The following ARHGAP22 variants were observed in gnomAD, a reference collection of about 807,000 sequenced individuals.
The protein encoded by ARHGAP22 is Rho GTPase activating protein 22.
Under a neutral mutation model 59.1 loss-of-function variants are expected in ARHGAP22, and 48 were observed. The ratio of observed to expected loss-of-function variants is 0.81; its 90% CI spans 0.64 to 1.03. The LOEUF (loss-of-function observed/expected upper bound fraction) is 1.03, where lower values mean the gene tolerates loss of function less well. ARHGAP22 is among the 50% of genes least tolerant of loss of function. The pLI, the probability that ARHGAP22 is intolerant of heterozygous loss-of-function variation, is 0.00. For missense variants in ARHGAP22, 1,015 were observed against 958.7 expected, an observed-to-expected ratio of 1.06 and a Z score of -0.78; for synonymous variants, 445 against 416.4, an observed-to-expected ratio of 1.07 and a Z score of -0.84.
At chr10:48,589,634 C>T (rs2059633856) in intron 1 of ARHGAP22, among the ~76,000 whole-genome samples, 1 of 152,198 alleles carries the variant, frequency 6.6e-6, no homozygotes, top group Admixed American at 6.5e-5. Context: ...ACAAATCCCT[C>T]CCCGTCAAGT....
rs752388127 is a variant in ARHGAP22, at chr10:48,450,639, G to A, written c.1490C>T (p.Ala497Val). Residue 497 changes from alanine to valine, a missense_variant, in exon 9 of 10, where the codon GCG (alanine) becomes GTG (valine). Ala to Val is a moderately conservative substitution (Grantham distance 64). Transcript: ENST00000249601. ...QRLSTYDNVPAPGLVPGIPSV... is the reference protein window; with the variant it reads ...QRLSTYDNVPVPGLVPGIPSV... ...GGGTATGCCGGGGACCAGGCCCGGC[G>A]CGGGCACATTGTCGTAGGTGGAGAG... 5.8e-6 allele frequency: 9 copies of A among 1,549,846 alleles called. No individual in the cohort carries two copies. Among genetic ancestry groups the A allele is most frequent in the Admixed American group, 2.0e-5 (1 of 51,040 alleles).
At chr10:48,655,254 TGTGG>T (rs1465058573), upstream of ARHGAP22, among the ~76,000 whole-genome samples, 73 of 4,380 alleles carry the variant, frequency 0.017, no homozygotes, top group African/African-American at 0.024. Context: ...TGTGTGTGTG[TGTGG>T]GGGGGGGGGG....
At chr10:48,563,967 C>A (rs1293328345) in intron 2 of ARHGAP22, among the ~76,000 whole-genome samples, 1 of 152,096 alleles carries the variant, frequency 6.6e-6, no homozygotes, top group Non-Finnish European at 1.5e-5. Context: ...AGAAGAAATA[C>A]AAATGGTCAA....
intron 4 of ARHGAP22, among the ~76,000 whole-genome samples, chr10:48,463,490 G>A (rs1219630115): frequency 1.3e-5 from 2 of 152,170 alleles, no homozygotes; most frequent in Non-Finnish European, 2.9e-5. Flanking sequence ...AGTGCCCCTG[G>A]TGCCTGCCGC....
chr10:48,514,748 A>G (rs2053124181), intron 3 of ARHGAP22, among the ~76,000 whole-genome samples: 1 of 152,344 alleles, frequency 6.6e-6, no homozygotes, highest in African/African-American at 2.4e-5. Flanking sequence ...CAGTACTTAC[A>G]AAACTCCAGT....
intron 2 of ARHGAP22, among the ~76,000 whole-genome samples, chr10:48,576,399 A>G (rs1170895015): frequency 6.6e-6 from 1 of 152,190 alleles, no homozygotes; most frequent in Admixed American, 6.5e-5. Flanking sequence ...TTTTGGTTAT[A>G]GTTTTTCTTT....
intron 3 of ARHGAP22, among the ~76,000 whole-genome samples, chr10:48,526,129 T>C (rs1055787097): frequency 1.4e-4 from 22 of 152,070 alleles, no homozygotes; most frequent in African/African-American, 5.3e-4. Flanking sequence ...ACAATTCCAT[T>C]TGGGGAGAAC....
At chr10:48,624,953 T>A (rs1289149657) in intron 1 of ARHGAP22, 3 of 152,284 alleles carry the variant, frequency 2.0e-5, no homozygotes, top group African/African-American at 7.2e-5. Flanking sequence ...TGATGCCTGG[T>A]GACCACCTTC....
intron 3 of ARHGAP22, among the ~76,000 whole-genome samples, chr10:48,500,973 A>C (rs529817379): frequency 6.6e-6 from 1 of 152,272 alleles, no homozygotes; most frequent in Non-Finnish European, 1.5e-5. Flanking sequence ...TTTTGTATAA[A>C]ATTTTGGAGA....
chr10:48,594,885 C>T (rs1356230935), intron 1 of ARHGAP22, among the ~76,000 whole-genome samples: 2 of 150,682 alleles, frequency 1.3e-5, no homozygotes, highest in Admixed American at 6.6e-5. Flanking sequence ...GGATCCCCCT[C>T]CCCCTCCCCC....
chr10:48,470,173 C>A (rs1449957583), intron 4 of ARHGAP22, among the ~76,000 whole-genome samples: 1 of 152,218 alleles, frequency 6.6e-6, no homozygotes, highest in Non-Finnish European at 1.5e-5. Flanking sequence ...TGAAACCAAA[C>A]TGGCCAAGCT....
At position 48,577,801 on chromosome 10, in the gene ARHGAP22, G is replaced by GTTTTTTT. The variant is rs34557935; in HGVS notation, c.234+5145_234+5151dup. Among the ~76,000 whole-genome samples the GTTTTTTT allele has an allele frequency of 6.3e-3, 375 of 59,170 alleles. 56 individuals carry two copies. Among genetic ancestry groups the GTTTTTTT allele is most frequent in the South Asian group, 0.012 (9 of 728 alleles). 38.8% of individuals were successfully genotyped at this position (59,170 alleles called of 152,430 possible). On this transcript the variant is annotated intron_variant, in intron 2 of 9. Coordinates refer to ENST00000249601, the MANE Select transcript of ARHGAP22 (RefSeq NM_021226.4). The stretch of plus-strand genomic sequence containing the variant: ...TCTGAGATCTAACTGCTCTTTTTTG[G>GTTTTTTT]TTTTTTTTTTTTTTTTTTTTTTTTT...
chr10:48,626,377 C>T (rs931623655), intron 1 of ARHGAP22, among the ~76,000 whole-genome samples: 1 of 152,116 alleles, frequency 6.6e-6, no homozygotes, highest in African/African-American at 2.4e-5. Context: ...GGACATCTAC[C>T]CCTCAGTGTC....
At chr10:48,469,618 C>A (rs2048040789) in intron 4 of ARHGAP22, among the ~76,000 whole-genome samples, 1 of 152,200 alleles carries the variant, frequency 6.6e-6, no homozygotes, top group Non-Finnish European at 1.5e-5. Context: ...CAGCATCCAG[C>A]GATGAGCTTA....
intron 3 of ARHGAP22, among the ~76,000 whole-genome samples, chr10:48,492,277 A>T (rs1423453768): frequency 2.0e-5 from 3 of 152,038 alleles, no homozygotes; most frequent in East Asian, 3.9e-4. Context: ...ACTTTTTTTT[A>T]AAAAAATATT....
chr10:48,651,598 C>G (rs546824982), intron 1 of ARHGAP22, among the ~76,000 whole-genome samples: 2 of 152,058 alleles, frequency 1.3e-5, no homozygotes, highest in Non-Finnish European at 2.9e-5. Context: ...TCCAAATCAT[C>G]ACTTACACAG....
chr10:48,480,998 G>C (rs1390338318), intron 3 of ARHGAP22, among the ~76,000 whole-genome samples: 1 of 152,240 alleles, frequency 6.6e-6, no homozygotes, highest in Non-Finnish European at 1.5e-5. Context: ...GGGGAGGCAG[G>C]GGGAGAGGCC....
intron 5 of ARHGAP22, 114 bp from the exon 6 acceptor site, chr10:48,455,248 C>T (rs567611532): frequency 7.2e-5 from 91 of 1,267,386 alleles, no homozygotes; most frequent in Non-Finnish European, 8.2e-5. Context: ...CATTCTTGGG[C>T]GCACTGGGGG....
chr10:48,458,792 G>T (rs2046836309), intron 5 of ARHGAP22, among the ~76,000 whole-genome samples: 1 of 152,198 alleles, frequency 6.6e-6, no homozygotes, highest in African/African-American at 2.4e-5. Context: ...CCAGAGGAAG[G>T]GTCCCCCGTA....
Sources: allele counts gnomAD v4.1 joint callset (sites outside exome capture counted in the v4.1 genomes callset), GRCh38; gene constraint gnomAD v4.1.1; transcripts MANE v1.5; gene names NCBI Gene and HGNC (gene_info 2026-07-23, HGNC 2026-07-21).